Variants in CREB5 observed in about 807,000 individuals in gnomAD.
CREB5 encodes cyclic AMP-responsive element-binding protein 5.
A neutral mutation model predicts 57.1 loss-of-function variants in CREB5; 19 were observed. That is an observed-to-expected ratio of 0.33 (90% CI 0.23 to 0.49). The LOEUF (loss-of-function observed/expected upper bound fraction) is 0.49. Among genes scored for constraint, CREB5 ranks in the 20% least tolerant of loss-of-function variants. The pLI is 0.99. For missense variants in CREB5, 579 were observed against 671.6 expected (o/e 0.86, Z 1.52); for synonymous variants, 238 against 238.3 (o/e 1.00, Z 0.01).
At chr7:28,532,439 A>C (rs1793770042) in intron 4 of CREB5, among the ~76,000 whole-genome samples, 1 of 152,202 alleles carries the variant, frequency 6.6e-6, no homozygotes, top group Non-Finnish European at 1.5e-5. Context: ...GCTGCATTGC[A>C]AAATTGTTAT....
chr7:28,815,762 A>C (rs1330608451), intron 9 of CREB5, among the ~76,000 whole-genome samples: 1 of 152,114 alleles, frequency 6.6e-6, no homozygotes, highest in Admixed American at 6.5e-5. Flanking sequence ...ACTAAATTCA[A>C]CCTCTCCAAG....
chr7:28,486,541 G>A (rs1791551773), intron 1 of CREB5, among the ~76,000 whole-genome samples: 1 of 151,112 alleles, frequency 6.6e-6, no homozygotes, highest in South Asian at 2.1e-4. Flanking sequence ...CAGTAATAGA[G>A]CCATATACTG....
At position 28,719,373 on chromosome 7, in the gene CREB5, T is replaced by C. The variant is rs543981937; in HGVS notation, c.591+494T>C. On this transcript the variant is annotated intron_variant, in intron 6 of 10. Coordinates refer to ENST00000357727, the MANE Select transcript of CREB5 (RefSeq NM_182898.4). ...TATTTATTGAGTGTTTACTGTATGC[T>C]AGTCGCATTCCAAGCACTTGATCCT... Among the ~76,000 whole-genome samples the C allele has an allele frequency of 2.6e-3, 402 of 152,378 alleles. 2 individuals carry two copies. The highest frequency in any genetic ancestry group is 4.8e-3 in the South Asian group (23 of 4,830).
chr7:28,494,785 TTTTG>T, intron 2 of CREB5, 117 bp from the exon 3 acceptor site: 3 of 635,942 alleles, frequency 4.7e-6, no homozygotes, highest in South Asian at 6.7e-5. Flanking sequence ...GTTTTTTTTT[TTTTG>T]TTTTGCCTGT....
intron 5 of CREB5, among the ~76,000 whole-genome samples, chr7:28,688,002 T>C (rs1398432983): frequency 3.3e-5 from 5 of 152,222 alleles, no homozygotes; most frequent in Non-Finnish European, 5.9e-5. Context: ...GTTCTATGTT[T>C]ATATCCATGT....
At chr7:28,560,831 C>CGTGCGTGTGCGCGT in intron 4 of CREB5, among the ~76,000 whole-genome samples, 1 of 58,948 alleles carries the variant, frequency 1.7e-5, no homozygotes, top group African/African-American at 6.7e-5. Flanking sequence ...TGCGCGCGCG[C>CGTGCGTGTGCGCGT]GCGTGTGTGT....
chr7:28,410,489 G>C (rs1304735405), upstream of CREB5: 1 of 456,588 alleles, frequency 2.2e-6, no homozygotes, highest in Non-Finnish European at 4.4e-6. Context: ...TTTTCTCTCA[G>C]CAGCTGCATC....
At chr7:28,482,965 G>A (rs920274654) in intron 1 of CREB5, among the ~76,000 whole-genome samples, 3 of 152,176 alleles carry the variant, frequency 2.0e-5, no homozygotes, top group Admixed American at 6.5e-5. Flanking sequence ...GAGGAAACTT[G>A]TGCCATCCCA....
chr7:28,410,393 C>G (rs1292009134), upstream of CREB5: 2 of 456,746 alleles, frequency 4.4e-6, no homozygotes, highest in African/African-American at 4.0e-5. Context: ...GGAGTCTCCC[C>G]CTGCGGCAGA....
At chr7:28,677,720 G>C (rs1800383788) in intron 5 of CREB5, among the ~76,000 whole-genome samples, 1 of 152,162 alleles carries the variant, frequency 6.6e-6, no homozygotes, top group Non-Finnish European at 1.5e-5. Flanking sequence ...CTAAAAGAAA[G>C]GAATTGGCCG....
intron 7 of CREB5, among the ~76,000 whole-genome samples, chr7:28,748,648 G>T (rs1292134485): frequency 1.3e-5 from 2 of 152,226 alleles, no homozygotes; most frequent in Non-Finnish European, 2.9e-5. Flanking sequence ...AGTGAAGCTA[G>T]AACTTGGCAT....
chr7:28,330,871 C>T (rs556151857), intron 1 of CREB5, among the ~76,000 whole-genome samples: 2 of 152,230 alleles, frequency 1.3e-5, no homozygotes, highest in South Asian at 2.1e-4. Flanking sequence ...GACATTGGTG[C>T]GTCATGTGCT....
At chr7:28,599,722 G>GTGTTT (rs891765794) in intron 5 of CREB5, among the ~76,000 whole-genome samples, 85 of 148,508 alleles carry the variant, frequency 5.7e-4, no homozygotes, top group African/African-American at 2.0e-3. Flanking sequence ...GGAGACCCAG[G>GTGTTT]TGTTTTGTTT....
intron 2 of CREB5, among the ~76,000 whole-genome samples, chr7:28,493,654 T>C (rs1791899252): frequency 6.6e-6 from 1 of 152,146 alleles, no homozygotes; most frequent in Non-Finnish European, 1.5e-5. Flanking sequence ...TCACTTTCAT[T>C]CATTACTCAA....
At chr7:28,647,462 G>A (rs41323) in intron 5 of CREB5, among the ~76,000 whole-genome samples, 2,890 of 152,084 alleles carry the variant, frequency 0.019, 91 homozygotes, top group African/African-American at 0.066. Flanking sequence ...AAGATATTTT[G>A]CTAATTTCTG....
At chr7:28,608,155 A>T (rs926223759) in intron 5 of CREB5, among the ~76,000 whole-genome samples, 31 of 144,568 alleles carry the variant, frequency 2.1e-4, no homozygotes, top group South Asian at 6.6e-4. Context: ...ACACACACAC[A>T]CTCTCAAACT....
At chr7:28,806,091 G>A (rs1302124339) in intron 8 of CREB5, among the ~76,000 whole-genome samples, 1 of 152,026 alleles carries the variant, frequency 6.6e-6, no homozygotes, top group Non-Finnish European at 1.5e-5. Context: ...GAACATCAAG[G>A]TTTGGTTGCC....
intron 7 of CREB5, among the ~76,000 whole-genome samples, chr7:28,742,773 T>C (rs1804446006): frequency 6.6e-6 from 1 of 152,154 alleles, no homozygotes; most frequent in Non-Finnish European, 1.5e-5. Flanking sequence ...ACTGTTGCTT[T>C]TTCTTATTTT....
chr7:28,422,568 C>T (rs967867957), intron 1 of CREB5, among the ~76,000 whole-genome samples: 1 of 152,124 alleles, frequency 6.6e-6, no homozygotes, highest in African/African-American at 2.4e-5. Context: ...AAGCCATGGA[C>T]TCCAGAATGA....
Sources: gnomAD v4.1 joint callset for allele counts (sites outside exome capture counted in the v4.1 genomes callset) on GRCh38, gnomAD v4.1.1 for gene constraint, MANE v1.5 for transcripts, NCBI Gene and HGNC (gene_info 2026-07-23, HGNC 2026-07-21) for gene names.